FBXO33: variants seen among roughly 807,000 people sequenced by gnomAD.
FBXO33 encodes the protein F-box protein 33, also known as F-box only protein 33.
A neutral mutation model predicts 46.3 loss-of-function variants in FBXO33; 22 were observed. That is an observed-to-expected ratio of 0.48 (90% CI 0.34 to 0.68). The LOEUF is 0.68. Ranked by LOEUF, FBXO33 falls within the 30% of genes least tolerant of loss-of-function variation. FBXO33 has a pLI of 0.01. For synonymous variants in FBXO33, 337 were observed against 291.3 expected (o/e 1.16, Z -1.60); for missense variants, 692 against 708.8 (o/e 0.98, Z 0.27).
In FBXO33 at chr14:39,399,581, T is replaced by G. The variant is rs1396221089; in HGVS notation, c.1603A>C (p.Ser535Arg). 1 of 1,613,552 alleles carries G rather than the reference T, an allele frequency of 6.2e-7. No individual in the cohort carries two copies. The highest frequency in any genetic ancestry group is 1.7e-5 in the Admixed American group (1 of 59,922). ...TGACGATTTGGTTCAGTGAAGACACTGAGTGATTCGATGTCCATGACTGCA... is the reference window on the plus strand; with the variant it reads ...TGACGATTTGGTTCAGTGAAGACACGGAGTGATTCGATGTCCATGACTGCA... ...WHAVMDIESLSVFTEPNRHFY... is the reference protein window; with the variant it reads ...WHAVMDIESLRVFTEPNRHFY... The change falls in exon 4 of 4, where the codon AGT (serine) becomes CGT (arginine). Residue 535 changes from serine (S) to arginine (R), a missense_variant. Ser to Arg is a moderately radical substitution (Grantham distance 110). Transcript: ENST00000298097.
At chr14:39,417,505 C>G (rs992298854) in intron 1 of FBXO33, among the ~76,000 whole-genome samples, 1 of 151,918 alleles carries the variant, frequency 6.6e-6, no homozygotes, top group Non-Finnish European at 1.5e-5. Flanking sequence ...TTCTGCATTT[C>G]TTATAAAGGT....
intron 1 of FBXO33, among the ~76,000 whole-genome samples, chr14:39,416,001 T>C (rs954197341): frequency 3.9e-5 from 6 of 152,204 alleles, no homozygotes; most frequent in African/African-American, 1.4e-4. Context: ...ATATCAGAGT[T>C]ACAGTGATTT....
intron 1 of FBXO33, among the ~76,000 whole-genome samples, chr14:39,425,351 A>G (rs1367721865): frequency 6.6e-6 from 1 of 152,210 alleles, no homozygotes; most frequent in Non-Finnish European, 1.5e-5. Flanking sequence ...ATACACAGGA[A>G]CAATAGAAAA....
chr14:39,403,849 T>C (rs1175884822), intron 1 of FBXO33, among the ~76,000 whole-genome samples: 2 of 151,432 alleles, frequency 1.3e-5, no homozygotes, highest in Non-Finnish European at 2.9e-5. Context: ...TTGTTCAGGT[T>C]GGAGCGCAGT....
intron 1 of FBXO33, among the ~76,000 whole-genome samples, chr14:39,403,857 A>G (rs1428525849): frequency 6.7e-6 from 1 of 149,970 alleles, no homozygotes; most frequent in Admixed American, 6.7e-5. Context: ...GTTGGAGCGC[A>G]GTGGTATGAT....
At chr14:39,404,972 C>T (rs551883031) in intron 1 of FBXO33, among the ~76,000 whole-genome samples, 123 of 151,850 alleles carry the variant, frequency 8.1e-4, no homozygotes, top group African/African-American at 2.9e-3. Context: ...CATAGTGAAA[C>T]CCCATGTCTA....
chr14:39,427,248 C>T (rs994000365), intron 1 of FBXO33, among the ~76,000 whole-genome samples: 1 of 152,118 alleles, frequency 6.6e-6, no homozygotes, highest in Admixed American at 6.5e-5. Flanking sequence ...ATAAAAAGTC[C>T]TAAAACCTCT....
chr14:39,431,244 C>A (rs982748574), intron 1 of FBXO33, among the ~76,000 whole-genome samples: 16 of 152,146 alleles, frequency 1.1e-4, no homozygotes, highest in African/African-American at 3.9e-4. Context: ...CCAGTCTTAA[C>A]GCTCCCATAT....
chr14:39,413,633 G>T (rs1226317643), intron 1 of FBXO33, among the ~76,000 whole-genome samples: 1 of 152,138 alleles, frequency 6.6e-6, no homozygotes, highest in Non-Finnish European at 1.5e-5. Flanking sequence ...TTCCTTAAAT[G>T]ATAAGACTTG....
chr14:39,416,813 T>C (rs186509500), intron 1 of FBXO33, among the ~76,000 whole-genome samples: 2 of 152,310 alleles, frequency 1.3e-5, no homozygotes, highest in East Asian at 3.9e-4. Flanking sequence ...AAATTCTTTG[T>C]AGGTAATTAA....
intron 1 of FBXO33, among the ~76,000 whole-genome samples, chr14:39,424,218 A>C (rs1242168002): frequency 6.6e-6 from 1 of 152,130 alleles, no homozygotes; most frequent in African/African-American, 2.4e-5. Context: ...CCTACCTTCA[A>C]ATACCACTTC....
intron 1 of FBXO33, among the ~76,000 whole-genome samples, chr14:39,418,646 G>A (rs1236306319): frequency 1.3e-5 from 2 of 150,898 alleles, no homozygotes; most frequent in Non-Finnish European, 3.0e-5. Flanking sequence ...GTGGTGGCGG[G>A]TCCCTGTAGT....
rs200832492 is a variant in FBXO33, at chr14:39,402,362, T to G, written c.710+39A>C. 1.9e-5 allele frequency: 21 copies of G among 1,134,158 alleles called. No homozygotes were observed. In the African/African-American group the frequency reaches 2.7e-4, roughly 15 times the overall value. The allele number at this position is 1,134,158 out of a possible 1,614,324, so 70.3% of individuals were successfully genotyped here. A position where few individuals can be genotyped will look rare whatever the true frequency, so the allele number is the denominator to read the frequency against. ...TAATTTCTTAGGAAAAACATATTAT[T>G]AATAGTACAACCTCCTTTCCATTAA... On this transcript the variant is annotated intron_variant, in intron 2 of 3. Transcript: ENST00000298097.
At chr14:39,404,413 G>T (rs931747925) in intron 1 of FBXO33, among the ~76,000 whole-genome samples, 2 of 152,062 alleles carry the variant, frequency 1.3e-5, no homozygotes, top group Non-Finnish European at 2.9e-5. Context: ...TGCAAGCTCC[G>T]CCTCCCGGGT....
chr14:39,412,571 T>TTAG (rs1319379489), intron 1 of FBXO33, among the ~76,000 whole-genome samples: 1 of 152,188 alleles, frequency 6.6e-6, no homozygotes, highest in Non-Finnish European at 1.5e-5. Flanking sequence ...GGTAAAGACT[T>TTAG]ACTATCGTCA....
At chr14:39,421,506 A>G (rs370418627) in intron 1 of FBXO33, among the ~76,000 whole-genome samples, 4 of 152,160 alleles carry the variant, frequency 2.6e-5, no homozygotes, top group Admixed American at 2.0e-4. Context: ...GCTCATATGA[A>G]GGTTAGACCT....
intron 1 of FBXO33, among the ~76,000 whole-genome samples, chr14:39,403,760 T>TACA (rs1454430012): frequency 1.3e-5 from 2 of 152,076 alleles, no homozygotes; most frequent in East Asian, 1.9e-4. Flanking sequence ...ATGTATCATC[T>TACA]ACAACAGTGA....
chr14:39,402,002 A>G (rs2075370905), intron 2 of FBXO33, 141 bp from the exon 3 acceptor site: 3 of 640,896 alleles, frequency 4.7e-6, no homozygotes, highest in Admixed American at 3.1e-5. Flanking sequence ...TTCAACCCAC[A>G]GTAAATACCA....
At chr14:39,410,062 T>G (rs540485043) in intron 1 of FBXO33, among the ~76,000 whole-genome samples, 1 of 152,308 alleles carries the variant, frequency 6.6e-6, no homozygotes, top group East Asian at 1.9e-4. Flanking sequence ...TTCCAATACT[T>G]TGTTGAATAG....
Sources: gnomAD v4.1 joint callset for allele counts (sites outside exome capture counted in the v4.1 genomes callset) on GRCh38, gnomAD v4.1.1 for gene constraint, MANE v1.5 for transcripts, NCBI Gene and HGNC (gene_info 2026-07-23, HGNC 2026-07-21) for gene names.